The following GSDME variants were observed in gnomAD, a reference collection of about 807,000 sequenced individuals.
GSDME encodes the protein gasdermin-E.
A neutral mutation model predicts 47.5 loss-of-function variants in GSDME; 44 were observed. That is an observed-to-expected ratio of 0.93 (90% CI 0.73 to 1.19). The LOEUF is 1.19. Ranked by LOEUF, GSDME falls within the 50% of genes most tolerant of loss-of-function variation. The probability of loss-of-function intolerance (pLI) is 0.00; values close to 1 mark genes in which losing one functional copy is unlikely to be tolerated. For synonymous variants in GSDME, 258 were observed against 252.8 expected (o/e 1.02, Z -0.20); for missense variants, 663 against 604.2 (o/e 1.10, Z -1.02).
intron 8 of GSDME, chr7:24,703,778 TGTG>T (rs1788980705): frequency 6.6e-6 from 1 of 152,442 alleles, no homozygotes; most frequent in Non-Finnish European, 1.5e-5. Context: ...GAGAACCTAA[TGTG>T]GTATTCAAAT....
chr7:24,727,881 C>T (rs1790020514), intron 3 of GSDME, among the ~76,000 whole-genome samples: 4 of 152,342 alleles, frequency 2.6e-5, no homozygotes, highest in Admixed American at 6.5e-5. Flanking sequence ...AGGAGAGCAG[C>T]GCTCAAACCA....
the GSDME span, among the ~76,000 whole-genome samples, chr7:24,774,994 A>C: frequency 6.6e-6 from 1 of 152,198 alleles, no homozygotes; most frequent in African/African-American, 2.4e-5. Context: ...TAAATAATGC[A>C]TAATAGGTGG....
upstream of GSDME, among the ~76,000 whole-genome samples, chr7:24,760,527 G>C (rs192726730): frequency 1.3e-5 from 2 of 152,320 alleles, no homozygotes; most frequent in East Asian, 3.9e-4. This position sits in a 1 kb window ranked among gnomAD's most constrained non-coding sequence, Gnocchi z 4.2. Flanking sequence ...ATTATATAAA[G>C]TACTCAGCCC....
intron 5 of GSDME, among the ~76,000 whole-genome samples, chr7:24,711,632 TAGTG>T (rs1789357249): frequency 6.6e-6 from 1 of 152,074 alleles, no homozygotes; most frequent in Admixed American, 6.5e-5. Flanking sequence ...AGTAGCAACA[TAGTG>T]AGACCCCGTC....
rs1359657581 is a variant in GSDME, at chr7:24,732,932, A to G, written c.404+11630T>C. On this transcript the variant is annotated intron_variant, in intron 3 of 9. Coordinates refer to ENST00000645220, the MANE Select transcript of GSDME (RefSeq NM_001127453.2). This position sits in a 1 kb window ranked among gnomAD's most constrained non-coding sequence, Gnocchi z 4.8. The stretch of plus-strand genomic sequence containing the variant: ...GGGTGGGTACACAACCTACTGAGAC[A>G]CCAGCCAGGGTGGCTAAGGGAGTAC... Among the ~76,000 whole-genome samples, 1 of 152,106 alleles carries G rather than the reference A, an allele frequency of 6.6e-6. No homozygotes were observed. The highest frequency in any genetic ancestry group is 1.5e-5 in the Non-Finnish European group (1 of 68,020).
the GSDME span, among the ~76,000 whole-genome samples, chr7:24,768,482 T>C: frequency 6.6e-6 from 1 of 152,140 alleles, no homozygotes; most frequent in African/African-American, 2.4e-5. The surrounding 1 kb of genome is among the most constrained non-coding windows in gnomAD (Gnocchi z 5.6). Context: ...TACACCGTTT[T>C]CCCCCTTCTT....
In GSDME at chr7:24,711,578, C is replaced by T. The variant is rs185683978; in HGVS notation, c.698-1190G>A. On this transcript the variant is annotated intron_variant, in intron 5 of 9. Transcript: ENST00000645220. ...GCTCACACCTGTAATGCCAACACTT[C>T]GGGAGGCTGAGGCAGGCAGATTGCT... Among the ~76,000 whole-genome samples, 401 of 152,080 alleles carry T rather than the reference C, an allele frequency of 2.6e-3. 1 individual carries two copies. Among genetic ancestry groups the T allele is most frequent in the African/African-American group, 6.8e-3 (283 of 41,524 alleles).
chr7:24,769,982 TC>T, the GSDME span, among the ~76,000 whole-genome samples: 1 of 152,340 alleles, frequency 6.6e-6, no homozygotes, highest in East Asian at 1.9e-4. Context: ...CCCTTGGAAC[TC>T]CTGCACGGTA....
At position 24,732,308 on chromosome 7, in the gene GSDME, A is replaced by C. The variant is rs932009867; in HGVS notation, c.404+12254T>G. Among the ~76,000 whole-genome samples, 1 of 152,226 alleles carries C rather than the reference A, an allele frequency of 6.6e-6. No homozygotes were observed. The highest frequency in any genetic ancestry group is 1.5e-5 in the Non-Finnish European group (1 of 68,046). On this transcript the variant is annotated intron_variant, in intron 3 of 9. Coordinates refer to ENST00000645220, the MANE Select transcript of GSDME (RefSeq NM_001127453.2). This position sits in a 1 kb window ranked among gnomAD's most constrained non-coding sequence, Gnocchi z 4.8. Reference sequence around the variant, plus strand: ...AGTTCAAACTTTGTTTTTTCCAAGAAAGACATGGCTCCTCAAATCTTTCTC... The same window carrying C: ...AGTTCAAACTTTGTTTTTTCCAAGACAGACATGGCTCCTCAAATCTTTCTC...
intron 9 of GSDME, among the ~76,000 whole-genome samples, chr7:24,700,783 C>A (rs1004263882): frequency 6.6e-6 from 1 of 152,220 alleles, no homozygotes; most frequent in African/African-American, 2.4e-5. Flanking sequence ...CACAGCATCA[C>A]ACCCCAGTGA....
upstream of GSDME, among the ~76,000 whole-genome samples, chr7:24,760,742 T>C (rs1253767173): frequency 6.6e-6 from 1 of 152,360 alleles, no homozygotes; most frequent in South Asian, 2.1e-4. This position sits in a 1 kb window ranked among gnomAD's most constrained non-coding sequence, Gnocchi z 4.2. Flanking sequence ...CTGATTTCAT[T>C]TACCTCCCTA....
intron 3 of GSDME, among the ~76,000 whole-genome samples, chr7:24,722,688 C>CAGTGT (rs1789834105): frequency 3.3e-5 from 5 of 152,214 alleles, no homozygotes; most frequent in Non-Finnish European, 7.3e-5. Context: ...CTGCTCCTAG[C>CAGTGT]CAGTGTGAAA....
rs34712480 is a variant in GSDME, at chr7:24,754,485, CAAAAAA to C, written c.-20+2905_-20+2910del. Among the ~76,000 whole-genome samples the C allele has an allele frequency of 1.5e-5, 2 of 131,584 alleles. No homozygotes were observed. The highest frequency in any genetic ancestry group is 5.0e-4 in the South Asian group (2 of 3,992). 86.3% of individuals were successfully genotyped at this position (131,584 alleles called of 152,430 possible). ...GGGCAACAAGAGCGAAACTTTGTCT[CAAAAAA>C]AAAAAAAAAAAGTTGTATTAGCAAA... On this transcript the variant is annotated intron_variant, in intron 1 of 9. Coordinates refer to ENST00000645220, the MANE Select transcript of GSDME (RefSeq NM_001127453.2). This position sits in a 1 kb window ranked among gnomAD's most constrained non-coding sequence, Gnocchi z 5.0.
intron 9 of GSDME, among the ~76,000 whole-genome samples, chr7:24,701,959 C>G (rs1788886533): frequency 6.6e-6 from 1 of 152,226 alleles, no homozygotes; most frequent in Admixed American, 6.5e-5. Flanking sequence ...CAGTCTGCCC[C>G]AATACCTGCT....
rs939400112 is a variant in GSDME at position 24,712,950 on chromosome 7, G to A, written c.698-2562C>T. Among the ~76,000 whole-genome samples the A allele has an allele frequency of 6.6e-6, 1 of 151,746 alleles. No homozygotes were observed. Among genetic ancestry groups the A allele is most frequent in the Admixed American group, 6.6e-5 (1 of 15,246 alleles). Reference sequence around the variant, plus strand: ...GGAGAATCGTTTGAACCTGGGAGGCGGAGGTTGTGGTGAGCCAAGATCGCA... The same window carrying A: ...GGAGAATCGTTTGAACCTGGGAGGCAGAGGTTGTGGTGAGCCAAGATCGCA... On this transcript the variant is annotated intron_variant, in intron 5 of 9. Coordinates refer to ENST00000645220, the MANE Select transcript of GSDME (RefSeq NM_001127453.2). This position sits in a 1 kb window ranked among gnomAD's most constrained non-coding sequence, Gnocchi z 4.4.
chr7:24,791,695 G>T, the GSDME span, among the ~76,000 whole-genome samples: 1 of 152,052 alleles, frequency 6.6e-6, no homozygotes. This position sits in a 1 kb window ranked among gnomAD's most constrained non-coding sequence, Gnocchi z 4.8. Flanking sequence ...ATAGCCAATT[G>T]GACTAAAGCA....
At position 24,716,417 on chromosome 7, in the gene GSDME, TTATAAA is replaced by T. The variant is rs1269408771; in HGVS notation, c.697+831_697+836del. On this transcript the variant is annotated intron_variant, in intron 5 of 9. Coordinates refer to ENST00000645220, the MANE Select transcript of GSDME (RefSeq NM_001127453.2). This position sits in a 1 kb window ranked among gnomAD's most constrained non-coding sequence, Gnocchi z 4.5. ...CTCTCAAAGATAGGATGACTCATTT[TTATAAA>T]TATAACTATAATACCATTGTCACAC... 6.6e-6 allele frequency: 1 copy of T among 152,266 alleles called. No individual in the cohort carries two copies. The highest frequency in any genetic ancestry group is 1.5e-5 in the Non-Finnish European group (1 of 68,064). The allele number at this position is 152,266 out of a possible 1,614,324, so 9.4% of individuals were successfully genotyped here.
In GSDME at chr7:24,744,618, TC is replaced by T. The variant is rs1329787787; in HGVS notation, c.347del (p.Gly116GlufsTer3). 4 of 1,614,142 alleles carry T rather than the reference TC, an allele frequency of 2.5e-6. No individual in the cohort carries two copies. Among genetic ancestry groups the T allele is most frequent in the Non-Finnish European group, 3.4e-6 (4 of 1,180,024 alleles). On this transcript the variant is annotated frameshift_variant, in exon 3 of 10. Transcript: ENST00000645220. LOFTEE classifies it high-confidence loss of function. This position sits in a 1 kb window ranked among gnomAD's most constrained non-coding sequence, Gnocchi z 4.5. ...SSRVESQSSF[G>X]TLRKQEVDLQ... ...AATCCACCTCCTGCTTCCTCAGGGT[TC>T]CAAATGAAGACTGGCTCTCTACGCG... is the stretch of plus-strand genomic sequence containing the variant.
chr7:24,756,614 C>T lies in GSDME; in HGVS notation c.-20+782G>A, dbSNP rs1472175102. On this transcript the variant is annotated intron_variant, in intron 1 of 9. Coordinates refer to ENST00000645220, the MANE Select transcript of GSDME (RefSeq NM_001127453.2). This position sits in a 1 kb window ranked among gnomAD's most constrained non-coding sequence, Gnocchi z 4.2. ...GCAAGCCATCCATCCCTTTCATTAT[C>T]CCATTCACTATTCTGGACAGAGTAG... 6.6e-6 allele frequency among the ~76,000 whole-genome samples: 1 copy of T among 152,208 alleles called. No individual in the cohort carries two copies. The highest frequency in any genetic ancestry group is 1.5e-5 in the Non-Finnish European group (1 of 68,042).
Sources: gnomAD v4.1 joint callset for allele counts (sites outside exome capture counted in the v4.1 genomes callset) on GRCh38, gnomAD v4.1.1 for gene constraint, Gnocchi (gnomAD v3.1) non-coding constraint, MANE v1.5 for transcripts, NCBI Gene and HGNC (gene_info 2026-07-23, HGNC 2026-07-21) for gene names.